HIVEP2: variants seen among roughly 807,000 people sequenced by gnomAD.
HIVEP2 encodes the protein HIVEP zinc finger 2.
A neutral mutation model predicts 180.7 loss-of-function variants in HIVEP2; 14 were observed. The observed-to-expected ratio is 0.08, with a 90% CI of 0.05 to 0.12. HIVEP2 has a LOEUF of 0.12. Among genes scored for constraint, HIVEP2 ranks in the 10% least tolerant of loss-of-function variants. The probability of loss-of-function intolerance (pLI) is 1.00; values close to 1 mark genes in which losing one functional copy is unlikely to be tolerated. For synonymous variants in HIVEP2, 1,184 were observed against 1,136.4 expected (o/e 1.04, Z -0.84); for missense variants, 2,579 against 3,008.5 (o/e 0.86, Z 3.34).
intron 3 of HIVEP2, among the ~76,000 whole-genome samples, chr6:142,782,109 T>A (rs28642314): frequency 6.6e-6 from 1 of 152,210 alleles, no homozygotes. Context: ...AAAACATTTT[T>A]AAAAATGTAA....
chr6:142,937,518 T>C (rs937574951), intron 1 of HIVEP2, among the ~76,000 whole-genome samples: 8 of 152,138 alleles, frequency 5.3e-5, no homozygotes, highest in African/African-American at 1.7e-4. Flanking sequence ...CAGGTGGTGG[T>C]GGAGCTGGAA....
At chr6:142,897,584 C>T (rs1027200583) in intron 1 of HIVEP2, among the ~76,000 whole-genome samples, 5 of 152,150 alleles carry the variant, frequency 3.3e-5, no homozygotes, top group Non-Finnish European at 1.5e-5. Flanking sequence ...TGAAATAAGT[C>T]AGACACACAC....
Position 142,773,702 on chromosome 6 carries a change from C to A in HIVEP2, c.1037G>T (p.Gly346Val). ...AGATGGATTTGGTAGCATATCAGGG[C>A]CAATATACTGAGAGCTTTCATTAGG... ...PLPNESSQYI[G>V]PDMLPNPSLN... is the part of the protein sequence containing the mutation. The change falls in exon 5 of 10, where the codon GGC (glycine) becomes GTC (valine). Residue 346 changes from glycine (G) to valine (V), a missense_variant. Gly to Val is a moderately radical substitution (Grantham distance 109, BLOSUM62 -3). This residue lies in a region of HIVEP2 where 142 missense variants were observed against 135.2 expected (regional missense o/e 1.05). Transcript: ENST00000367603. The A allele has an allele frequency of 5.0e-6, 8 of 1,614,076 alleles. No homozygotes were observed. The highest frequency in any genetic ancestry group is 6.8e-6 in the Non-Finnish European group (8 of 1,180,012).
chr6:142,865,021 C>T, intron 1 of HIVEP2, among the ~76,000 whole-genome samples: 1 of 152,150 alleles, frequency 6.6e-6, no homozygotes, highest in South Asian at 2.1e-4. Context: ...AAAATAGTTT[C>T]CTCCAGCAAG....
At chr6:142,783,972 C>G (rs575345202) in intron 2 of HIVEP2, among the ~76,000 whole-genome samples, 1 of 152,124 alleles carries the variant, frequency 6.6e-6, no homozygotes, top group African/African-American at 2.4e-5. Context: ...AACTAAACCT[C>G]GCAGGATGAA....
chr6:142,778,755 T>C lies in HIVEP2; in HGVS notation c.-432-2564A>G, dbSNP rs1450377358. Among the ~76,000 whole-genome samples, 6 of 152,178 alleles carry C rather than the reference T, an allele frequency of 3.9e-5. No homozygotes were observed. The South Asian group carries it at 8.3e-4, about 21-fold the overall frequency. On this transcript the variant is annotated intron_variant, in intron 3 of 9. Coordinates refer to ENST00000367603, the MANE Select transcript of HIVEP2 (RefSeq NM_006734.4). ...GGGTTTCAGAATCAAAATTCAGATC[T>C]AAATTTGGTGACTTCTAAGTCTGGG...
chr6:142,870,859 T>G (rs1776274894), intron 1 of HIVEP2, among the ~76,000 whole-genome samples: 1 of 152,188 alleles, frequency 6.6e-6, no homozygotes, highest in South Asian at 2.1e-4. Flanking sequence ...AACCTCCCAT[T>G]TTAAAAATAG....
At chr6:142,942,755 G>A (rs977304107) in intron 1 of HIVEP2, among the ~76,000 whole-genome samples, 4 of 152,072 alleles carry the variant, frequency 2.6e-5, no homozygotes, top group South Asian at 4.2e-4. Context: ...AATTGTCCCC[G>A]AATCAGTCAC....
Position 142,773,740 on chromosome 6 carries a change from A to T in HIVEP2, c.999T>A (p.Ser333Arg), listed in dbSNP as rs1211271897. The T allele has an allele frequency of 6.2e-7, 1 of 1,614,038 alleles. No homozygotes were observed. Among genetic ancestry groups the T allele is most frequent in the Admixed American group, 1.7e-5 (1 of 60,034 alleles). Residue 333 changes from serine (S) to arginine (R), a missense_variant, in exon 5 of 10, where the codon AGT (serine) becomes AGA (arginine). Coordinates refer to ENST00000367603, the MANE Select transcript of HIVEP2 (RefSeq NM_006734.4). ...MKVPILIIPK[S>R]GIPLPNESSQ... ...AGCTTTCATTAGGGAGAGGAATCCC[A>T]CTTTTAGGGATAATCAAAATCGGCA... is the stretch of plus-strand genomic sequence containing the variant.
At chr6:142,862,916 A>T (rs1582922666) in intron 1 of HIVEP2, among the ~76,000 whole-genome samples, 1 of 84,114 alleles carries the variant, frequency 1.2e-5, no homozygotes, top group East Asian at 2.7e-4. Context: ...TGTATTATAT[A>T]AAATGTAATA....
chr6:142,845,210 G>A (rs1197326745), intron 1 of HIVEP2, among the ~76,000 whole-genome samples: 1 of 152,148 alleles, frequency 6.6e-6, no homozygotes, highest in Non-Finnish European at 1.5e-5. Context: ...TTTGGGGGAG[G>A]GGTTTTGCAA....
At chr6:142,787,579 AAAAAG>A in intron 2 of HIVEP2, among the ~76,000 whole-genome samples, 1 of 151,796 alleles carries the variant, frequency 6.6e-6, no homozygotes, top group Non-Finnish European at 1.5e-5. Flanking sequence ...AAAAAAAAAA[AAAAAG>A]ACTCTAAATG....
At chr6:142,781,501 C>T (rs1301731207) in intron 3 of HIVEP2, among the ~76,000 whole-genome samples, 2 of 152,056 alleles carry the variant, frequency 1.3e-5, no homozygotes, top group Non-Finnish European at 2.9e-5. Flanking sequence ...CTTTGGGTTT[C>T]CTGTGGATGC....
intron 2 of HIVEP2, among the ~76,000 whole-genome samples, chr6:142,822,218 C>T (rs1347165705): frequency 1.3e-5 from 2 of 152,184 alleles, no homozygotes; most frequent in Admixed American, 6.5e-5. Flanking sequence ...CCATGACCTC[C>T]TTGGCAGTCT....
chr6:142,839,933 C>T (rs1346791388), intron 1 of HIVEP2, among the ~76,000 whole-genome samples: 4 of 152,126 alleles, frequency 2.6e-5, no homozygotes, highest in Non-Finnish European at 5.9e-5. Context: ...CCCTTTGCAT[C>T]GTAGAGCCAC....
intron 1 of HIVEP2, among the ~76,000 whole-genome samples, chr6:142,886,635 ATCCTT>A (rs1363600458): frequency 6.6e-6 from 1 of 152,162 alleles, no homozygotes; most frequent in Non-Finnish European, 1.5e-5. Flanking sequence ...CTTATTACAA[ATCCTT>A]TCCTAATTGT....
intron 1 of HIVEP2, among the ~76,000 whole-genome samples, chr6:142,866,583 T>C (rs1776144301): frequency 6.6e-6 from 1 of 152,172 alleles, no homozygotes; most frequent in Non-Finnish European, 1.5e-5. Flanking sequence ...ATTTTAAGTT[T>C]CTATACCATG....
intron 2 of HIVEP2, among the ~76,000 whole-genome samples, chr6:142,830,743 A>G (rs766179756): frequency 1.3e-5 from 2 of 152,132 alleles, no homozygotes; most frequent in Non-Finnish European, 2.9e-5. Flanking sequence ...TAGACAAACC[A>G]GCTTCTCTCT....
At chr6:142,790,358 C>T (rs1172061241) in intron 2 of HIVEP2, among the ~76,000 whole-genome samples, 2 of 151,878 alleles carry the variant, frequency 1.3e-5, no homozygotes, top group Non-Finnish European at 2.9e-5. Flanking sequence ...TTATTTTTTT[C>T]CTTCCCTTCC....
Sources: gnomAD v4.1 joint callset for allele counts (sites outside exome capture counted in the v4.1 genomes callset) on GRCh38, gnomAD v4.1.1 for gene constraint, gnomAD v4.1.1 regional missense constraint, MANE v1.5 for transcripts, NCBI Gene and HGNC (gene_info 2026-07-23, HGNC 2026-07-21) for gene names.